Variants in ASXL2 observed in about 807,000 individuals in gnomAD.
The protein encoded by ASXL2 is putative Polycomb group protein ASXL2.
In ASXL2, 23 loss-of-function variants were observed where a neutral mutation model predicts 122.0. The observed-to-expected ratio is 0.19, with a 90% CI of 0.14 to 0.27. The LOEUF (loss-of-function observed/expected upper bound fraction) is 0.27. Among genes scored for constraint, ASXL2 ranks in the 10% least tolerant of loss-of-function variants. The pLI is 1.00. For missense variants in ASXL2, 1,518 were observed against 1,713.8 expected (o/e 0.89, Z 2.02); for synonymous variants, 650 against 637.0 (o/e 1.02, Z -0.31).
At chr2:25,837,097 C>G (rs1052235929) in intron 2 of ASXL2, among the ~76,000 whole-genome samples, 188 of 60,488 alleles carry the variant, frequency 3.1e-3, no homozygotes, top group Middle Eastern at 0.012. Context: ...GGGGGGGGGG[C>G]GTGGGAAGCA....
intron 1 of ASXL2, among the ~76,000 whole-genome samples, chr2:25,861,482 C>T (rs941798356): frequency 2.0e-5 from 3 of 152,194 alleles, no homozygotes; most frequent in African/African-American, 4.8e-5. Context: ...AATAACCTTT[C>T]AAAACAGAAA....
chr2:25,875,894 A>G (rs1044180207), intron 1 of ASXL2, among the ~76,000 whole-genome samples: 1 of 152,118 alleles, frequency 6.6e-6, no homozygotes, highest in Non-Finnish European at 1.5e-5. Context: ...TCAACTCACT[A>G]ATTTTCTGAT....
In ASXL2 at chr2:25,735,404, T is replaced by G. The variant is rs1411752710; in HGVS notation, c.*6625A>C. ...GCTAGAGTCCTGCTGAAGCCCTTTT[T>G]AATTCAAGTTGTGACTCAAGAGAAA... On this transcript the variant is annotated 3_prime_UTR_variant, in exon 13 of 13. Transcript: ENST00000435504. 6.6e-6 allele frequency: 1 copy of G among 152,208 alleles called. No individual in the cohort carries two copies. The highest frequency in any genetic ancestry group is 3.2e-3 in the Middle Eastern group (1 of 316). 9.4% of individuals were successfully genotyped at this position (152,208 alleles called of 1,614,324 possible).
chr2:25,869,911 C>CCA (rs1553707764), intron 1 of ASXL2, among the ~76,000 whole-genome samples: 1 of 122,458 alleles, frequency 8.2e-6, no homozygotes, highest in Non-Finnish European at 1.8e-5. Context: ...CAATGAAATA[C>CCA]TAAAAAAAAA....
At chr2:25,866,663 A>G (rs557591813) in intron 1 of ASXL2, among the ~76,000 whole-genome samples, 1 of 152,332 alleles carries the variant, frequency 6.6e-6, no homozygotes, top group South Asian at 2.1e-4. Context: ...TTCCAAACCA[A>G]TAACAAGACA....
intron 10 of ASXL2, among the ~76,000 whole-genome samples, chr2:25,753,906 C>T (rs10171348): frequency 0.28 from 41,815 of 152,010 alleles, 6,064 homozygotes; most frequent in African/African-American, 0.32. Context: ...ACCTTCCTCA[C>T]GCTCCAAGCA....
chr2:25,858,900 G>A (rs1481312311), intron 1 of ASXL2, among the ~76,000 whole-genome samples: 10 of 142,872 alleles, frequency 7.0e-5, no homozygotes, highest in African/African-American at 1.3e-4. Flanking sequence ...TGGAACCTCC[G>A]TCTCCTGGGT....
Position 25,744,980 on chromosome 2 carries a change from CTT to C in ASXL2, c.1861-506_1861-505del, listed in dbSNP as rs1258191100. Among the ~76,000 whole-genome samples, 21 of 143,248 alleles carry C rather than the reference CTT, an allele frequency of 1.5e-4. No individual in the cohort carries two copies. The highest frequency in any genetic ancestry group is 5.1e-4 in the African/African-American group (20 of 38,852). 94.0% of individuals were successfully genotyped at this position (143,248 alleles called of 152,430 possible). A position where few individuals can be genotyped will look rare whatever the true frequency, so the allele number is the denominator to read the frequency against. On this transcript the variant is annotated intron_variant, in intron 12 of 12. Transcript: ENST00000435504. This position sits in a 1 kb window ranked among gnomAD's most constrained non-coding sequence, Gnocchi z 4.7. ...ACACACACACACACACACACACACACTTGGGCTGGATTATCTCAAATTACACA... is the reference window on the plus strand; with the variant it reads ...ACACACACACACACACACACACACACGGGCTGGATTATCTCAAATTACACA...
At chr2:25,763,510 T>TC (rs1357284482) in intron 8 of ASXL2, among the ~76,000 whole-genome samples, 1 of 151,898 alleles carries the variant, frequency 6.6e-6, no homozygotes, top group African/African-American at 2.4e-5. Context: ...AAAGCTGATT[T>TC]CAGATTAACA....
intron 12 of ASXL2, among the ~76,000 whole-genome samples, chr2:25,748,260 A>C (rs1209427291): frequency 6.6e-6 from 1 of 151,812 alleles, no homozygotes; most frequent in East Asian, 1.9e-4. Context: ...GCACTTTGGG[A>C]GGCAGAGGAG....
In ASXL2 at chr2:25,878,343, A is replaced by G. The variant is rs1206048351; in HGVS notation, c.-121T>C. ...AAAGGTGGGAGAAAAGGGAAGTCAG[A>G]CCGGGGGGGCACCCAAGCAGAGGAA... On this transcript the variant is annotated 5_prime_UTR_variant, in exon 1 of 13. Coordinates refer to ENST00000435504, the MANE Select transcript of ASXL2 (RefSeq NM_018263.6). 9 of 789,812 alleles carry G rather than the reference A, an allele frequency of 1.1e-5. No homozygotes were observed. Among genetic ancestry groups the G allele is most frequent in the Non-Finnish European group, 1.7e-5 (9 of 518,570 alleles). The allele number at this position is 789,812 out of a possible 1,614,324, so 48.9% of individuals were successfully genotyped here.
At chr2:25,851,810 G>C (rs2089718821) in intron 1 of ASXL2, among the ~76,000 whole-genome samples, 1 of 152,128 alleles carries the variant, frequency 6.6e-6, no homozygotes, top group African/African-American at 2.4e-5. Context: ...AGAACCGCTT[G>C]AGCCTGGGAG....
chr2:25,873,098 T>C (rs1046298471), intron 1 of ASXL2, among the ~76,000 whole-genome samples: 3 of 144,868 alleles, frequency 2.1e-5, no homozygotes, highest in Non-Finnish European at 4.6e-5. Context: ...CCTCCCACCC[T>C]TTCCCCACCC....
At chr2:25,801,336 G>T (rs1382913338) in intron 4 of ASXL2, among the ~76,000 whole-genome samples, 1 of 152,078 alleles carries the variant, frequency 6.6e-6, no homozygotes, top group Non-Finnish European at 1.5e-5. Context: ...AAATAATTCT[G>T]ACAGACACAA....
chr2:25,843,055 C>T (rs181270721), intron 2 of ASXL2, among the ~76,000 whole-genome samples: 6,383 of 151,246 alleles, frequency 0.042, 208 homozygotes, highest in African/African-American at 0.08. Flanking sequence ...AATCCCAGCA[C>T]TTTGGGAGGC....
rs370930393 is a variant in ASXL2 at position 25,845,268 on chromosome 2, C to A, written c.140+213G>T. 4.9e-5 allele frequency: 34 copies of A among 689,096 alleles called. 1 individual carries two copies. Among genetic ancestry groups the A allele is most frequent in the South Asian group, 3.7e-4 (26 of 69,560 alleles). The allele number at this position is 689,096 out of a possible 1,614,324, so 42.7% of individuals were successfully genotyped here. A position where few individuals can be genotyped will look rare whatever the true frequency, so the allele number is the denominator to read the frequency against. On this transcript the variant is annotated intron_variant, in intron 2 of 12. Transcript: ENST00000435504. The stretch of plus-strand genomic sequence containing the variant: ...AGTGCATGGGCTTAAAGATAGCTAC[C>A]CTCTAAGAATTGGTTTTAAAACCTT...
Position 25,798,880 on chromosome 2 carries a change from A to T in ASXL2, c.403+505T>A, listed in dbSNP as rs115655769. On this transcript the variant is annotated intron_variant, in intron 5 of 12. Transcript: ENST00000435504. ...TTTGATACTATAATGGTGAATACACATCGTTATACATTTGTTCAAAGCCAT... is the reference window on the plus strand; with the variant it reads ...TTTGATACTATAATGGTGAATACACTTCGTTATACATTTGTTCAAAGCCAT... Among the ~76,000 whole-genome samples the T allele has an allele frequency of 1.8e-3, 268 of 152,346 alleles. 1 individual carries two copies. The highest frequency in any genetic ancestry group is 5.8e-3 in the African/African-American group (243 of 41,570).
chr2:25,849,061 T>TTAAATATATATATATATATATATATATA (rs751570430), intron 1 of ASXL2, among the ~76,000 whole-genome samples: 1 of 6,750 alleles, frequency 1.5e-4, no homozygotes, highest in African/African-American at 5.0e-4. Flanking sequence ...AAAAAAAAAT[T>TTAAATATATATATATATATATATATATA]TACATATATA....
chr2:25,794,341 C>G (rs1007871799), intron 5 of ASXL2, among the ~76,000 whole-genome samples: 2 of 152,064 alleles, frequency 1.3e-5, no homozygotes, highest in African/African-American at 4.8e-5. Context: ...AATAATAGTC[C>G]TACAGTTGCT....
Sources: allele counts gnomAD v4.1 joint callset (sites outside exome capture counted in the v4.1 genomes callset), GRCh38; gene constraint gnomAD v4.1.1; non-coding constraint Gnocchi (gnomAD v3.1); transcripts MANE v1.5; gene names NCBI Gene and HGNC (gene_info 2026-07-23, HGNC 2026-07-21).